Variants in BSPH1 observed in about 807,000 individuals in gnomAD.
BSPH1 encodes the protein binder of sperm 1.
A neutral mutation model predicts 22.5 loss-of-function variants in BSPH1; 21 were observed. That is an observed-to-expected ratio of 0.93 (90% CI 0.66 to 1.35). BSPH1 has a LOEUF of 1.35. Ranked by LOEUF, BSPH1 falls within the 40% of genes most tolerant of loss-of-function variation. The probability of loss-of-function intolerance (pLI) is 0.00; values close to 1 mark genes in which losing one functional copy is unlikely to be tolerated. For missense variants in BSPH1, 141 were observed against 154.2 expected (o/e 0.91, Z 0.45); for synonymous variants, 42 against 53.6 (o/e 0.78, Z 0.95).
intron 1 of BSPH1, among the ~76,000 whole-genome samples, chr19:47,989,917 G>C (rs542422942): frequency 6.6e-5 from 10 of 152,016 alleles, no homozygotes; most frequent in African/African-American, 2.2e-4. Flanking sequence ...TCAGGAGTTC[G>C]AGACCAGCCT....
chr19:47,986,409 G>T (rs906311512), intron 1 of BSPH1, among the ~76,000 whole-genome samples: 1 of 152,154 alleles, frequency 6.6e-6, no homozygotes, highest in Non-Finnish European at 1.5e-5. Flanking sequence ...AGAGCCGCGT[G>T]GCCTCTGTGA....
Position 47,977,388 on chromosome 19 carries a change from A to G in BSPH1, c.241T>C (p.Phe81Leu). The G allele has an allele frequency of 1.3e-6, 2 of 1,552,060 alleles. No homozygotes were observed. The highest frequency in any genetic ancestry group is 2.4e-5 in the South Asian group (2 of 84,042). ...LNKTYEGYWK[F>L]CSAEDFANCV... Reference sequence around the variant, plus strand: ...GGACACTCACCTTCTGCACTGCAAAACTTCCAGTATCCTTCGTAGGTCTTG... The same window carrying G: ...GGACACTCACCTTCTGCACTGCAAAGCTTCCAGTATCCTTCGTAGGTCTTG... The change falls in exon 4 of 6, where the codon TTT (phenylalanine) becomes CTT (leucine). Residue 81 changes from phenylalanine to leucine, a missense_variant. By Grantham distance (22) the Phe-to-Leu change is conservative (BLOSUM62 0). Coordinates refer to ENST00000344839, the MANE Select transcript of BSPH1 (RefSeq NM_001128326.2).
chr19:47,976,861 A>C lies in BSPH1; in HGVS notation c.257-7T>G, dbSNP rs1969370048. 1 of 1,550,754 alleles carries C rather than the reference A, an allele frequency of 6.4e-7. No individual in the cohort carries two copies. The highest frequency in any genetic ancestry group is 8.7e-7 in the Non-Finnish European group (1 of 1,146,736). ...AATACACAGTTTGCAAAATCTGCAG[A>C]GGAGGAAGAGGAAGAAGCAGAGTAA... On this transcript the variant is annotated splice_region_variant and splice_polypyrimidine_tract_variant and intron_variant, in intron 4 of 5. Transcript: ENST00000344839.
At chr19:47,991,626 C>T (rs111067347) in intron 1 of BSPH1, among the ~76,000 whole-genome samples, 8 of 65,398 alleles carry the variant, frequency 1.2e-4, no homozygotes, top group Admixed American at 1.6e-4. Flanking sequence ...CCTCCTCTTC[C>T]CTCCTCCTCC....
chr19:47,971,807 T>C (rs1282154876), intron 5 of BSPH1, among the ~76,000 whole-genome samples: 1 of 152,182 alleles, frequency 6.6e-6, no homozygotes, highest in South Asian at 2.1e-4. Context: ...CCTTCTTTAT[T>C]AATTGAGAGC....
chr19:47,978,668 C>T (rs1334076108), intron 3 of BSPH1, among the ~76,000 whole-genome samples: 2 of 152,166 alleles, frequency 1.3e-5, no homozygotes, highest in East Asian at 3.9e-4. Flanking sequence ...AATTGTGCTC[C>T]TTTACCTGAA....
intron 1 of BSPH1, among the ~76,000 whole-genome samples, chr19:47,984,632 C>G (rs1969451823): frequency 6.6e-6 from 1 of 152,122 alleles, no homozygotes; most frequent in Admixed American, 6.6e-5. Context: ...TTAGCCTAAG[C>G]AAATTAGTGC....
At chr19:47,981,415 A>T (rs921562453) in intron 1 of BSPH1, among the ~76,000 whole-genome samples, 2 of 152,342 alleles carry the variant, frequency 1.3e-5, no homozygotes, top group Middle Eastern at 3.4e-3. Flanking sequence ...TATGTAGGAA[A>T]TGCAAATAAA....
Position 47,979,595 on chromosome 19 carries a change from A to G in BSPH1, c.99T>C (p.Thr33=). The G allele has an allele frequency of 1.5e-6, 2 of 1,332,478 alleles. No individual in the cohort carries two copies. Among genetic ancestry groups the G allele is most frequent in the Non-Finnish European group, 2.0e-6 (2 of 982,338 alleles). The allele number at this position is 1,332,478 out of a possible 1,614,324, so 82.5% of individuals were successfully genotyped here. ...ILNELSSTVE[T]ITHFPEVTDG... ...CTGTAACTTCTGGAAAATGAGTTAT[A>G]GTTTCTGAAAAATAAAATTTAGAGC... The change falls in exon 3 of 6, where the codon ACT becomes ACC. Residue 33 remains threonine (T), a synonymous_variant. Transcript: ENST00000344839.
chr19:47,969,703 GA>G (rs1969292624), intron 5 of BSPH1, among the ~76,000 whole-genome samples: 2 of 150,728 alleles, frequency 1.3e-5, no homozygotes, highest in Non-Finnish European at 3.0e-5. Flanking sequence ...GAGAGAGAGA[GA>G]GAGAGAGAGA....
intron 5 of BSPH1, among the ~76,000 whole-genome samples, chr19:47,973,144 G>A (rs2122239988): frequency 6.6e-6 from 1 of 151,480 alleles, no homozygotes; most frequent in South Asian, 2.1e-4. Context: ...GTGAACCTGG[G>A]AGGCGGAGCT....
rs1212621171 is a variant in BSPH1, at chr19:47,980,943, T to G, written c.74-2A>C. On this transcript the variant is annotated splice_acceptor_variant, in intron 1 of 5. Coordinates refer to ENST00000344839, the MANE Select transcript of BSPH1 (RefSeq NM_001128326.2). LOFTEE classifies it high-confidence loss of function. ...CACCCACAGTTGATGATAATTCATCTGAAAAACACAATTTTGAACAAATAT... is the reference window on the plus strand; with the variant it reads ...CACCCACAGTTGATGATAATTCATCGGAAAAACACAATTTTGAACAAATAT... 1 of 1,434,200 alleles carries G rather than the reference T, an allele frequency of 7.0e-7. No individual in the cohort carries two copies. Among genetic ancestry groups the G allele is most frequent in the Non-Finnish European group, 9.3e-7 (1 of 1,071,024 alleles). The allele number at this position is 1,434,200 out of a possible 1,614,324, so 88.8% of individuals were successfully genotyped here.
At chr19:47,970,039 A>G (rs182297406) in intron 5 of BSPH1, among the ~76,000 whole-genome samples, 4 of 151,820 alleles carry the variant, frequency 2.6e-5, no homozygotes, top group Admixed American at 6.6e-5. Flanking sequence ...GAGACTTTAG[A>G]ATTTATTTTT....
chr19:47,969,151 G>C (rs1969286183), intron 5 of BSPH1, among the ~76,000 whole-genome samples: 1 of 152,056 alleles, frequency 6.6e-6, no homozygotes, highest in Admixed American at 6.6e-5. Context: ...ACAAGTAGAT[G>C]GATTTGGCAC....
chr19:47,979,569 C>T lies in BSPH1; in HGVS notation c.124+1G>A. The T allele has an allele frequency of 7.5e-7, 1 of 1,329,680 alleles. No individual in the cohort carries two copies. Among genetic ancestry groups the T allele is most frequent in the Non-Finnish European group, 1.0e-6 (1 of 980,284 alleles). The allele number at this position is 1,329,680 out of a possible 1,614,324, so 82.4% of individuals were successfully genotyped here. On this transcript the variant is annotated splice_donor_variant, in intron 3 of 5. Transcript: ENST00000344839. LOFTEE classifies it high-confidence loss of function. Reference sequence around the variant, plus strand: ...TAATCAAAGTTTTCTGATCGACTTACCTGTAACTTCTGGAAAATGAGTTAT... The same window carrying T: ...TAATCAAAGTTTTCTGATCGACTTATCTGTAACTTCTGGAAAATGAGTTAT...
intron 2 of BSPH1, among the ~76,000 whole-genome samples, 160 bp downstream of exon 2, chr19:47,980,761 A>G (rs1383038146): frequency 6.6e-6 from 1 of 151,704 alleles, no homozygotes; most frequent in Non-Finnish European, 1.5e-5. Flanking sequence ...TTTTTTCTTA[A>G]CATTTTTAAC....
At chr19:47,972,939 C>T (rs867050752) in intron 5 of BSPH1, among the ~76,000 whole-genome samples, 92 of 151,284 alleles carry the variant, frequency 6.1e-4, no homozygotes, top group African/African-American at 2.1e-3. Flanking sequence ...TGTAGGCGGC[C>T]GGGCGCGGTG....
At chr19:47,990,745 G>C (rs1969515605) in intron 1 of BSPH1, among the ~76,000 whole-genome samples, 1 of 152,096 alleles carries the variant, frequency 6.6e-6, no homozygotes. Context: ...AACGTTGTCA[G>C]ATGCATCCAT....
chr19:47,968,776 A>G (rs1969281936), intron 5 of BSPH1, among the ~76,000 whole-genome samples: 1 of 150,122 alleles, frequency 6.7e-6, no homozygotes, highest in Non-Finnish European at 1.5e-5. Flanking sequence ...AGGTGGGCGG[A>G]TTGTCTGAGC....
Sources: gnomAD v4.1 joint callset for allele counts (sites outside exome capture counted in the v4.1 genomes callset) on GRCh38, gnomAD v4.1.1 for gene constraint, MANE v1.5 for transcripts, NCBI Gene and HGNC (gene_info 2026-07-23, HGNC 2026-07-21) for gene names.